ZNF407: variants seen among roughly 807,000 people sequenced by gnomAD.
ZNF407 encodes zinc finger protein 407.
A neutral mutation model predicts 131.2 loss-of-function variants in ZNF407; 17 were observed. That is an observed-to-expected ratio of 0.13 (90% CI 0.09 to 0.19). The LOEUF is 0.19. Among genes scored for constraint, ZNF407 ranks in the 10% least tolerant of loss-of-function variants. The pLI is 1.00. For synonymous variants in ZNF407, 1,156 were observed against 1,062.0 expected (o/e 1.09, Z -1.72); for missense variants, 2,681 against 2,830.6 (o/e 0.95, Z 1.20).
At chr18:74,627,284 T>C (rs1401234989) in intron 1 of ZNF407, among the ~76,000 whole-genome samples, 2 of 152,204 alleles carry the variant, frequency 1.3e-5, no homozygotes, top group Admixed American at 1.3e-4. Flanking sequence ...TCTTACAGTG[T>C]AAGCTCTCAC....
At chr18:74,814,082 G>A (rs770446909) in intron 4 of ZNF407, among the ~76,000 whole-genome samples, 6 of 152,026 alleles carry the variant, frequency 3.9e-5, no homozygotes, top group Non-Finnish European at 5.9e-5. Context: ...TGTTTTAGTA[G>A]CATTGAGAAA....
intron 5 of ZNF407, among the ~76,000 whole-genome samples, chr18:74,878,358 G>C (rs1971188568): frequency 6.6e-6 from 1 of 151,996 alleles, no homozygotes; most frequent in South Asian, 2.1e-4. Flanking sequence ...TTATATTATT[G>C]TTAGAAATTA....
intron 3 of ZNF407, among the ~76,000 whole-genome samples, chr18:74,705,516 C>G (rs1381282325): frequency 6.6e-6 from 1 of 152,212 alleles, no homozygotes; most frequent in Non-Finnish European, 1.5e-5. Context: ...TCTTGTACCT[C>G]TATTCCACAT....
At chr18:75,031,075 T>C (rs572290844) in intron 8 of ZNF407, among the ~76,000 whole-genome samples, 29 of 152,278 alleles carry the variant, frequency 1.9e-4, no homozygotes, top group South Asian at 1.4e-3. Flanking sequence ...CATTCCCCCA[T>C]ACACATAGCA....
intron 4 of ZNF407, among the ~76,000 whole-genome samples, chr18:74,828,186 C>T (rs1203064170): frequency 6.6e-6 from 1 of 152,146 alleles, no homozygotes; most frequent in Non-Finnish European, 1.5e-5. Flanking sequence ...ATTCTTAATA[C>T]ATTAATCTGT....
chr18:74,745,157 G>A (rs1379245105), intron 3 of ZNF407, among the ~76,000 whole-genome samples: 1 of 152,016 alleles, frequency 6.6e-6, no homozygotes, highest in African/African-American at 2.4e-5. Flanking sequence ...GTTTTAAAAA[G>A]GCAACTTAAT....
chr18:75,048,021 A>C lies in ZNF407; in HGVS notation c.5429-15129A>C, dbSNP rs1453380527. Among the ~76,000 whole-genome samples the C allele has an allele frequency of 6.6e-6, 1 of 152,224 alleles. No individual in the cohort carries two copies. The highest frequency in any genetic ancestry group is 1.5e-5 in the Non-Finnish European group (1 of 68,032). Reference sequence around the variant, plus strand: ...TCTTCGTTATAGTAATGAAGCCACTAATCAGACAGCCTTATATTGGTTTTT... The same window carrying C: ...TCTTCGTTATAGTAATGAAGCCACTCATCAGACAGCCTTATATTGGTTTTT... On this transcript the variant is annotated intron_variant, in intron 8 of 8. Transcript: ENST00000299687. The surrounding 1 kb of genome is among the most constrained non-coding windows in gnomAD (Gnocchi z 4.1).
Position 74,639,888 on chromosome 18 carries a change from T to C in ZNF407, c.4688-1120T>C, listed in dbSNP as rs530222846. Among the ~76,000 whole-genome samples the C allele has an allele frequency of 1.1e-4, 17 of 152,208 alleles. No individual in the cohort carries two copies. In the South Asian group the frequency reaches 3.3e-3, roughly 30 times the overall value. On this transcript the variant is annotated intron_variant, in intron 2 of 8. Transcript: ENST00000299687. ...AGTATTCTTGGAGGATTTTTTTTTT[T>C]ACAAGGACACTGCACAAAGGTTCAT...
chr18:74,820,249 G>A (rs1970322299), intron 4 of ZNF407, among the ~76,000 whole-genome samples: 6 of 152,196 alleles, frequency 3.9e-5, no homozygotes, highest in Admixed American at 3.9e-4. Context: ...GGCAGCAGGT[G>A]TCCCAGGAGC....
chr18:74,748,936 T>A (rs955580901), intron 3 of ZNF407, among the ~76,000 whole-genome samples: 24 of 152,068 alleles, frequency 1.6e-4, no homozygotes, highest in Admixed American at 1.4e-3. Context: ...TGTTGTGGAG[T>A]TCTAGATGAG....
chr18:74,861,968 G>A (rs1970944121), intron 4 of ZNF407, among the ~76,000 whole-genome samples: 1 of 152,042 alleles, frequency 6.6e-6, no homozygotes, highest in South Asian at 2.1e-4. Context: ...TGTTTTCATA[G>A]GTGCTTAGTG....
chr18:74,956,019 T>C (rs78183942), intron 8 of ZNF407, among the ~76,000 whole-genome samples: 2,997 of 152,324 alleles, frequency 0.02, 106 homozygotes, highest in African/African-American at 0.066. Flanking sequence ...TTGCCTTGTT[T>C]CTGGTTCTTT....
At chr18:74,780,255 GAAATT>G in intron 3 of ZNF407, among the ~76,000 whole-genome samples, 1 of 152,230 alleles carries the variant, frequency 6.6e-6, no homozygotes, top group East Asian at 1.9e-4. Context: ...AATATTATAT[GAAATT>G]AAACAAAATA....
At chr18:74,931,030 A>T (rs1299443245) in intron 8 of ZNF407, among the ~76,000 whole-genome samples, 1 of 152,222 alleles carries the variant, frequency 6.6e-6, no homozygotes, top group Non-Finnish European at 1.5e-5. Context: ...GTGAATATAG[A>T]TGTTTTTCTC....
chr18:74,809,019 G>T (rs1970155492), intron 4 of ZNF407, among the ~76,000 whole-genome samples: 1 of 152,058 alleles, frequency 6.6e-6, no homozygotes, highest in Non-Finnish European at 1.5e-5. Flanking sequence ...GTAAATAAGA[G>T]TGCTCTTTTT....
At chr18:74,761,271 T>C (rs552664997) in intron 3 of ZNF407, among the ~76,000 whole-genome samples, 2 of 152,310 alleles carry the variant, frequency 1.3e-5, no homozygotes, top group African/African-American at 4.8e-5. Context: ...CAGAAGTTAT[T>C]GTCAGTTTGA....
intron 1 of ZNF407, among the ~76,000 whole-genome samples, chr18:74,626,605 C>T (rs1983796998): frequency 6.6e-6 from 1 of 152,130 alleles, no homozygotes; most frequent in Non-Finnish European, 1.5e-5. Context: ...TAAGAATATT[C>T]ATAGCAGCTT....
At chr18:74,892,200 C>T (rs1261904268) in intron 7 of ZNF407, among the ~76,000 whole-genome samples, 1 of 152,094 alleles carries the variant, frequency 6.6e-6, no homozygotes, top group Non-Finnish European at 1.5e-5. Flanking sequence ...ATAACAATTG[C>T]CAATTAGCCG....
rs761152506 is a variant in ZNF407 at position 74,686,512 on chromosome 18, C to T, written c.4802+45390C>T. On this transcript the variant is annotated intron_variant, in intron 3 of 8. Transcript: ENST00000299687. ...TGGCCTGTTCATTGGCTCCTCTGTTCGCTCCCTGATCCAGTCTCTCTTCTC... is the reference window on the plus strand; with the variant it reads ...TGGCCTGTTCATTGGCTCCTCTGTTTGCTCCCTGATCCAGTCTCTCTTCTC... 5.3e-5 allele frequency among the ~76,000 whole-genome samples: 8 copies of T among 152,252 alleles called. 1 individual carries two copies. The South Asian group carries it at 1.0e-3, about 20-fold the overall frequency.
Sources: gnomAD v4.1 joint callset for allele counts (sites outside exome capture counted in the v4.1 genomes callset) on GRCh38, gnomAD v4.1.1 for gene constraint, Gnocchi (gnomAD v3.1) non-coding constraint, MANE v1.5 for transcripts, NCBI Gene and HGNC (gene_info 2026-07-23, HGNC 2026-07-21) for gene names.